The following GALNT13 variants were observed in gnomAD, a reference collection of about 807,000 sequenced individuals.
The protein encoded by GALNT13 is polypeptide N-acetylgalactosaminyltransferase 13.
GALNT13 carries 28 observed loss-of-function variants against 64.2 expected under a neutral mutation model. That is an observed-to-expected ratio of 0.44 (90% CI 0.32 to 0.60). The LOEUF (loss-of-function observed/expected upper bound fraction) is 0.60. GALNT13 is among the 20% of genes least tolerant of loss of function. The probability of loss-of-function intolerance (pLI) is 0.05; values close to 1 mark genes in which losing one functional copy is unlikely to be tolerated. For synonymous variants in GALNT13, 214 were observed against 224.6 expected (o/e 0.95, Z 0.42); for missense variants, 577 against 669.8 (o/e 0.86, Z 1.53).
the GALNT13 span, among the ~76,000 whole-genome samples, chr2:153,253,400 C>T: frequency 9.7e-6 from 1 of 103,406 alleles, no homozygotes; most frequent in South Asian, 2.9e-4. Context: ...GATATACAAT[C>T]GTGTCATCTG....
chr2:153,893,808 G>A (rs1281868047), intron 1 of GALNT13, among the ~76,000 whole-genome samples: 4 of 151,862 alleles, frequency 2.6e-5, no homozygotes, highest in Admixed American at 6.6e-5. Context: ...TAAATGACAC[G>A]GATGAAGTAC....
At chr2:153,478,458 C>T in the GALNT13 span, 1 of 1,613,758 alleles carries the variant, frequency 6.2e-7, no homozygotes, top group Non-Finnish European at 8.5e-7. Context: ...CGTCGTCGGT[C>T]ACCACGGACG....
the GALNT13 span, among the ~76,000 whole-genome samples, chr2:153,167,378 C>T: frequency 6.6e-6 from 1 of 152,210 alleles, no homozygotes; most frequent in Admixed American, 6.5e-5. Context: ...CCCCTCTTCA[C>T]CAGGCTGTCT....
chr2:153,810,247 G>T, the GALNT13 span, among the ~76,000 whole-genome samples: 2 of 152,082 alleles, frequency 1.3e-5, no homozygotes, highest in Non-Finnish European at 2.9e-5. Context: ...ACAGCCGTGG[G>T]CCATGGCTCC....
At chr2:153,592,415 G>C in the GALNT13 span, among the ~76,000 whole-genome samples, 2 of 152,068 alleles carry the variant, frequency 1.3e-5, no homozygotes, top group East Asian at 3.9e-4. Flanking sequence ...ATTCACAGTA[G>C]GAAAGATATG....
chr2:154,157,745 A>G (rs1444816543), intron 4 of GALNT13, among the ~76,000 whole-genome samples: 1 of 152,184 alleles, frequency 6.6e-6, no homozygotes, highest in Non-Finnish European at 1.5e-5. Context: ...CCCACAATAC[A>G]GCAAAATTGC....
chr2:154,106,252 A>G (rs546854308), intron 3 of GALNT13, among the ~76,000 whole-genome samples: 2 of 152,200 alleles, frequency 1.3e-5, no homozygotes, highest in Admixed American at 6.5e-5. Flanking sequence ...ACAAACTCAT[A>G]ATCAAACCAA....
the GALNT13 span, among the ~76,000 whole-genome samples, chr2:153,198,431 G>A: frequency 1.3e-5 from 2 of 152,144 alleles, no homozygotes; most frequent in African/African-American, 4.8e-5. Flanking sequence ...GCTAATGCTG[G>A]CTGGACTATA....
chr2:153,209,138 C>T, the GALNT13 span, among the ~76,000 whole-genome samples: 1 of 151,520 alleles, frequency 6.6e-6, no homozygotes, highest in Non-Finnish European at 1.5e-5. Context: ...CCACCATGCC[C>T]AGCTAATTTT....
the GALNT13 span, among the ~76,000 whole-genome samples, chr2:153,127,943 A>G: frequency 6.6e-6 from 1 of 152,220 alleles, no homozygotes; most frequent in South Asian, 2.1e-4. Flanking sequence ...TTCAATACTC[A>G]TCTAGTGATT....
the GALNT13 span, among the ~76,000 whole-genome samples, chr2:153,165,029 G>A: frequency 6.6e-6 from 1 of 152,322 alleles, no homozygotes; most frequent in African/African-American, 2.4e-5. Context: ...CATATCTTTA[G>A]TTATAAGTCA....
chr2:153,130,862 C>G, the GALNT13 span, among the ~76,000 whole-genome samples: 1 of 152,184 alleles, frequency 6.6e-6, no homozygotes, highest in African/African-American at 2.4e-5. Context: ...AGCCTTCACC[C>G]TGGTGAGCTG....
intron 3 of GALNT13, among the ~76,000 whole-genome samples, chr2:154,017,028 T>G (rs1697054641): frequency 6.6e-6 from 1 of 152,114 alleles, no homozygotes; most frequent in Admixed American, 6.6e-5. Context: ...AAGTAGTCTT[T>G]TTTTCCTCTG....
At chr2:154,031,132 A>C (rs1398141331) in intron 3 of GALNT13, among the ~76,000 whole-genome samples, 1 of 152,172 alleles carries the variant, frequency 6.6e-6, no homozygotes. Context: ...AATACTACAG[A>C]TGTTGTGTAG....
At chr2:153,727,351 T>G in the GALNT13 span, among the ~76,000 whole-genome samples, 1 of 152,238 alleles carries the variant, frequency 6.6e-6, no homozygotes, top group Non-Finnish European at 1.5e-5. Flanking sequence ...GTTGTATATT[T>G]CATTTTGTTA....
At position 154,269,924 on chromosome 2, in the gene GALNT13, ATT is replaced by A. The variant is rs1559059310; in HGVS notation, c.975+10788_975+10789del. On this transcript the variant is annotated intron_variant, in intron 8 of 12. Transcript: ENST00000392825. ...TATATGTGTATATATATATATATAT[ATT>A]TCTAAAGCACAGGGTGAGTAGGTGT... Among the ~76,000 whole-genome samples the A allele has an allele frequency of 4.5e-3, 609 of 136,720 alleles. 18 individuals are homozygous for A. The highest frequency in any genetic ancestry group is 0.014 in the African/African-American group (553 of 38,260). The allele number at this position is 136,720 out of a possible 152,430, so 89.7% of individuals were successfully genotyped here.
At chr2:153,991,979 CAAT>C (rs1165270723) in intron 3 of GALNT13, among the ~76,000 whole-genome samples, 1 of 152,018 alleles carries the variant, frequency 6.6e-6, no homozygotes, top group African/African-American at 2.4e-5. Context: ...CTGGTGTCAA[CAAT>C]GTGTTTGAAA....
intron 3 of GALNT13, among the ~76,000 whole-genome samples, chr2:154,082,644 C>T (rs754760679): frequency 4.0e-5 from 6 of 151,656 alleles, no homozygotes; most frequent in Non-Finnish European, 7.4e-5. Flanking sequence ...GAAGTGGTTT[C>T]GAATCAGAAC....
the GALNT13 span, among the ~76,000 whole-genome samples, chr2:153,848,151 G>A: frequency 6.6e-6 from 1 of 152,282 alleles, no homozygotes; most frequent in Admixed American, 6.5e-5. Flanking sequence ...CAAAGACACT[G>A]TAAAACAAGT....
Sources: gnomAD v4.1 joint callset for allele counts (sites outside exome capture counted in the v4.1 genomes callset) on GRCh38, gnomAD v4.1.1 for gene constraint, MANE v1.5 for transcripts, NCBI Gene and HGNC (gene_info 2026-07-23, HGNC 2026-07-21) for gene names.